Variants in PRELID2 observed in about 807,000 individuals in gnomAD.
PRELID2 encodes PRELI domain containing 2.
A neutral mutation model predicts 28.4 loss-of-function variants in PRELID2; 25 were observed. That is an observed-to-expected ratio of 0.88 (90% CI 0.64 to 1.23). PRELID2 has a LOEUF of 1.23. Ranked by LOEUF, PRELID2 falls within the 50% of genes most tolerant of loss-of-function variation. The pLI is 0.00. For synonymous variants in PRELID2, 76 were observed against 71.6 expected (o/e 1.06, Z -0.31); for missense variants, 201 against 214.4 (o/e 0.94, Z 0.39).
chr5:145,557,820 C>A (rs1289302884), intron 1 of PRELID2, among the ~76,000 whole-genome samples: 2 of 152,192 alleles, frequency 1.3e-5, no homozygotes, highest in Non-Finnish European at 2.9e-5. Context: ...AAAGTTTGAA[C>A]CCAGAGAGGC....
At chr5:145,807,053 C>A (rs1040764634) in intron 4 of PRELID2, among the ~76,000 whole-genome samples, 6 of 152,172 alleles carry the variant, frequency 3.9e-5, no homozygotes, top group Admixed American at 6.5e-5. Flanking sequence ...GTATACACTA[C>A]ACGTTTACAC....
chr5:145,488,200 C>T (rs1023110069), intron 1 of PRELID2, among the ~76,000 whole-genome samples: 10 of 150,884 alleles, frequency 6.6e-5, no homozygotes, highest in Non-Finnish European at 1.0e-4. Context: ...GATTTGGAGA[C>T]GGGGTGCTGG....
intron 1 of PRELID2, among the ~76,000 whole-genome samples, chr5:145,709,603 G>T (rs1755635780): frequency 6.6e-6 from 1 of 150,630 alleles, no homozygotes; most frequent in Admixed American, 6.6e-5. Flanking sequence ...AAAACAAAAT[G>T]AAGTGTGTCT....
chr5:145,347,097 A>T, the PRELID2 span, among the ~76,000 whole-genome samples: 1 of 152,260 alleles, frequency 6.6e-6, no homozygotes, highest in East Asian at 1.9e-4. Context: ...TAAACAGCAG[A>T]TCTCCCTGGG....
chr5:145,346,800 A>T, the PRELID2 span, among the ~76,000 whole-genome samples: 1 of 152,116 alleles, frequency 6.6e-6, no homozygotes, highest in Non-Finnish European at 1.5e-5. Flanking sequence ...ATTCCTCTGG[A>T]CTTGCACTTC....
chr5:145,418,984 G>T, the PRELID2 span, among the ~76,000 whole-genome samples: 2 of 149,876 alleles, frequency 1.3e-5, no homozygotes, highest in East Asian at 3.9e-4. Context: ...GTGGTGTTTG[G>T]TTTTTTGTTC....
the PRELID2 span, among the ~76,000 whole-genome samples, chr5:145,317,309 A>C: frequency 2.0e-5 from 3 of 152,234 alleles, no homozygotes; most frequent in Non-Finnish European, 4.4e-5. Context: ...CCATCATATG[A>C]AAAGGGTGCT....
intron 1 of PRELID2, among the ~76,000 whole-genome samples, chr5:145,718,998 A>T (rs981409720): frequency 6.6e-6 from 1 of 152,066 alleles, no homozygotes; most frequent in Non-Finnish European, 1.5e-5. Context: ...ATGGCATCAA[A>T]TGTAAAGAGT....
chr5:145,734,783 A>G (rs1384332135), intron 1 of PRELID2, among the ~76,000 whole-genome samples: 1 of 152,210 alleles, frequency 6.6e-6, no homozygotes, highest in African/African-American at 2.4e-5. Context: ...AGGAAACTTA[A>G]ATTCAGAGTG....
intron 1 of PRELID2, among the ~76,000 whole-genome samples, chr5:145,629,404 A>G (rs1753901150): frequency 6.6e-6 from 1 of 152,186 alleles, no homozygotes; most frequent in African/African-American, 2.4e-5. Flanking sequence ...CTACTTAATG[A>G]CAGATAAGGA....
chr5:145,806,804 C>T (rs1159404223), intron 4 of PRELID2, among the ~76,000 whole-genome samples: 7 of 152,050 alleles, frequency 4.6e-5, no homozygotes, highest in African/African-American at 1.4e-4. Context: ...GGCAGTTTCC[C>T]CTGCACTCTA....
chr5:145,297,060 T>A, the PRELID2 span, among the ~76,000 whole-genome samples: 1 of 152,094 alleles, frequency 6.6e-6, no homozygotes, highest in Non-Finnish European at 1.5e-5. Context: ...CCTTGTAAAT[T>A]TGTTTGAGTT....
intron 1 of PRELID2, among the ~76,000 whole-genome samples, chr5:145,687,247 C>G (rs1347387604): frequency 6.6e-6 from 1 of 152,136 alleles, no homozygotes; most frequent in Non-Finnish European, 1.5e-5. Context: ...CTCTTGGCAG[C>G]TTTTAAGAGA....
At chr5:145,634,606 C>T (rs1753975933) in intron 1 of PRELID2, among the ~76,000 whole-genome samples, 2 of 152,158 alleles carry the variant, frequency 1.3e-5, no homozygotes, top group Non-Finnish European at 2.9e-5. Context: ...TCTGATGCCC[C>T]TACCCCAGTG....
chr5:145,490,623 T>C (rs1032498664), intron 1 of PRELID2, among the ~76,000 whole-genome samples: 1 of 152,174 alleles, frequency 6.6e-6, no homozygotes, highest in African/African-American at 2.4e-5. Flanking sequence ...TTTAAGCAAA[T>C]GTATAGATGA....
intron 1 of PRELID2, among the ~76,000 whole-genome samples, chr5:145,601,358 T>C (rs1026584205): frequency 6.6e-6 from 1 of 151,948 alleles, no homozygotes; most frequent in Non-Finnish European, 1.5e-5. Context: ...AAAGGAAGAA[T>C]AATAAGGTCT....
At chr5:145,816,873 A>G (rs1754339525) in intron 4 of PRELID2, among the ~76,000 whole-genome samples, 1 of 151,992 alleles carries the variant, frequency 6.6e-6, no homozygotes, top group Non-Finnish European at 1.5e-5. Context: ...AAAAAATTCT[A>G]CTCTAGGCCA....
intron 1 of PRELID2, among the ~76,000 whole-genome samples, chr5:145,555,796 A>G (rs750652314): frequency 6.6e-6 from 1 of 152,194 alleles, no homozygotes; most frequent in Non-Finnish European, 1.5e-5. Context: ...GCAGTCCTTG[A>G]GAGCCAGGGA....
At chr5:145,468,939 T>C (rs1221502846), downstream of PRELID2, among the ~76,000 whole-genome samples, 1 of 152,162 alleles carries the variant, frequency 6.6e-6, no homozygotes, top group Non-Finnish European at 1.5e-5. Flanking sequence ...ATTTGTCAAT[T>C]TTGGCTTTTG....
Sources: allele counts gnomAD v4.1 joint callset (sites outside exome capture counted in the v4.1 genomes callset), GRCh38; gene constraint gnomAD v4.1.1; transcripts MANE v1.5; gene names NCBI Gene and HGNC (gene_info 2026-07-23, HGNC 2026-07-21).